The following TMEM14C variants were observed in gnomAD, a reference collection of about 807,000 sequenced individuals.
TMEM14C encodes transmembrane protein 14C, also known as chromosome 6 open reading frame 53.
TMEM14C carries 13 observed loss-of-function variants against 14.8 expected under a neutral mutation model. The observed-to-expected ratio is 0.88, with a 90% confidence interval of 0.57 to 1.40. The LOEUF is 1.40. TMEM14C is among the 40% of genes most tolerant of loss of function. The pLI is 0.00. For missense variants in TMEM14C, 142 were observed against 138.8 expected (o/e 1.02, Z -0.12); for synonymous variants, 57 against 51.3 (o/e 1.11, Z -0.48).
intron 3 of TMEM14C, among the ~76,000 whole-genome samples, chr6:10,725,573 T>G (rs1300233795): frequency 2.0e-5 from 3 of 152,170 alleles, no homozygotes; most frequent in Non-Finnish European, 4.4e-5. Context: ...AGGTCCTGCC[T>G]GTACACAATT....
At chr6:10,729,868 C>T (rs1021631214) in intron 5 of TMEM14C, among the ~76,000 whole-genome samples, 3 of 152,114 alleles carry the variant, frequency 2.0e-5, no homozygotes, top group Non-Finnish European at 2.9e-5. Context: ...GAGGCCAGAG[C>T]GGGCGGATCA....
Position 10,730,903 on chromosome 6 carries a change from T to G in TMEM14C, c.*237T>G. The G allele has an allele frequency of 8.7e-7, 1 of 1,154,188 alleles. No homozygotes were observed. The highest frequency in any genetic ancestry group is 1.1e-6 in the Non-Finnish European group (1 of 936,532). 71.5% of individuals were successfully genotyped at this position (1,154,188 alleles called of 1,614,324 possible). ...CTCATAGAGCTTGATTCTTGTATAT[T>G]GATGTTGTCTTTTCTTTCTGTATCT... On this transcript the variant is annotated 3_prime_UTR_variant, in exon 6 of 6. Transcript: ENST00000229563.
At chr6:10,726,040 C>T (rs1353377555) in intron 4 of TMEM14C, 32 bp downstream of exon 4, 1 of 1,612,076 alleles carries the variant, frequency 6.2e-7, no homozygotes, top group African/African-American at 1.3e-5. Context: ...CTTAGGGCAG[C>T]TATGTATCCA....
intron 5 of TMEM14C, among the ~76,000 whole-genome samples, chr6:10,730,261 A>G (rs1395434987): frequency 6.6e-6 from 1 of 152,190 alleles, no homozygotes; most frequent in Non-Finnish European, 1.5e-5. Context: ...TTATACCTGA[A>G]GCAAGGAAGT....
intron 5 of TMEM14C, 95 bp from the exon 6 acceptor site, chr6:10,730,506 TACCTCCTCCCCCAC>T: frequency 1.9e-6 from 2 of 1,075,254 alleles, no homozygotes; most frequent in Non-Finnish European, 2.7e-6. Context: ...CTTGCCTTAG[TACCTCCTCCCCCAC>T]GCAGTTGTGA....
rs1461621778 is a variant in TMEM14C, at chr6:10,728,688, C to A, written c.248C>A (p.Ser83Tyr). The change falls in exon 5 of 6, where the codon TCT (serine) becomes TAT (tyrosine). Residue 83 changes from serine to tyrosine, a missense_variant. Physicochemically the swap from Ser to Tyr is moderately radical, Grantham distance 144. Coordinates refer to ENST00000229563, the MANE Select transcript of TMEM14C (RefSeq NM_016462.4). ...ATTATGGGAATGAGGTTCTACCACTCTGGAAAATTCATGCCTGCAGGTTTA... is the reference window on the plus strand; with the variant it reads ...ATTATGGGAATGAGGTTCTACCACTATGGAAAATTCATGCCTGCAGGTTTA... ...AGIMGMRFYH[S>Y]GKFMPAGLIA... 1.2e-6 allele frequency: 2 copies of A among 1,614,112 alleles called. No individual in the cohort carries two copies. Among genetic ancestry groups the A allele is most frequent in the Non-Finnish European group, 8.5e-7 (1 of 1,180,056 alleles).
rs1053553769 is a variant in TMEM14C at position 10,728,572 on chromosome 6, C to T, written c.200-68C>T. 5 of 1,535,874 alleles carry T rather than the reference C, an allele frequency of 3.3e-6. No homozygotes were observed. The Admixed American group carries it at 6.8e-5, about 21-fold the overall frequency. On this transcript the variant is annotated intron_variant, in intron 4 of 5. Transcript: ENST00000229563. The stretch of plus-strand genomic sequence containing the variant: ...GCCTTGAGAGATGGGTGGGGCTTGG[C>T]CCACTTCTGATTCCCCTGCGTAGAA...
intron 5 of TMEM14C, among the ~76,000 whole-genome samples, chr6:10,729,539 G>A (rs1770968851): frequency 1.3e-5 from 2 of 152,288 alleles, no homozygotes; most frequent in South Asian, 2.1e-4. Context: ...CAATTTGGGA[G>A]GCAGAGGCAG....
At chr6:10,725,092 T>G in intron 3 of TMEM14C, 55 bp downstream of exon 3, 4 of 1,601,886 alleles carry the variant, frequency 2.5e-6, no homozygotes, top group Non-Finnish European at 3.4e-6. Context: ...CCCAGTGAAA[T>G]GTGAATGCCC....
chr6:10,723,671 C>G lies in TMEM14C; in HGVS notation c.-45+430C>G, dbSNP rs1447566667. ...CTTGAGTGCAGTTGCCTGAATATGT[C>G]TCATTGCAGCCTCTGCCTCCTGGGC... On this transcript the variant is annotated intron_variant, in intron 1 of 5. Transcript: ENST00000229563. Among the ~76,000 whole-genome samples, 7 of 140,558 alleles carry G rather than the reference C, an allele frequency of 5.0e-5. No individual in the cohort carries two copies. In the Admixed American group the frequency reaches 5.6e-4, roughly 11 times the overall value. The allele number at this position is 140,558 out of a possible 152,430, so 92.2% of individuals were successfully genotyped here.
At position 10,726,396 on chromosome 6, in the gene TMEM14C, T is replaced by C. The variant is rs533006635; in HGVS notation, c.199+388T>C. The stretch of plus-strand genomic sequence containing the variant: ...TTTCCCCATTTGAAAATCACCTCTT[T>C]AGCAGTTAGCTAAATGTGACTGCAG... On this transcript the variant is annotated intron_variant, in intron 4 of 5. Coordinates refer to ENST00000229563, the MANE Select transcript of TMEM14C (RefSeq NM_016462.4). Among the ~76,000 whole-genome samples, 19 of 152,310 alleles carry C rather than the reference T, an allele frequency of 1.2e-4. No homozygotes were observed. In the East Asian group the frequency reaches 3.7e-3, roughly 29 times the overall value.
At chr6:10,729,424 C>T (rs981936205) in intron 5 of TMEM14C, among the ~76,000 whole-genome samples, 10 of 152,236 alleles carry the variant, frequency 6.6e-5, no homozygotes, top group African/African-American at 2.4e-4. Context: ...TGACCCACTG[C>T]GGCTGGCCCT....
At chr6:10,728,542 C>T (rs535922643) in intron 4 of TMEM14C, 98 bp from the exon 5 acceptor site, 21 of 1,249,416 alleles carry the variant, frequency 1.7e-5, no homozygotes, top group Middle Eastern at 2.7e-4. Context: ...TAGGATGAGG[C>T]GTGAGCCTTG....
chr6:10,723,532 G>T (rs1357074359), intron 1 of TMEM14C, among the ~76,000 whole-genome samples: 1 of 149,900 alleles, frequency 6.7e-6, no homozygotes, highest in Non-Finnish European at 1.5e-5. Flanking sequence ...GCCGTCTCGA[G>T]TTAAGAACTG....
At chr6:10,729,204 T>C (rs1233231839) in intron 5 of TMEM14C, among the ~76,000 whole-genome samples, 2 of 152,208 alleles carry the variant, frequency 1.3e-5, no homozygotes, top group Non-Finnish European at 2.9e-5. Flanking sequence ...TGATCTCCGC[T>C]CACTGCAATC....
intron 5 of TMEM14C, chr6:10,728,962 C>A: frequency 1.1e-6 from 1 of 922,008 alleles, no homozygotes; most frequent in Non-Finnish European, 1.6e-6. Flanking sequence ...GCTTTCCAGT[C>A]CATCCAAACT....
At chr6:10,728,591 C>T (rs370556354) in intron 4 of TMEM14C, 49 bp from the exon 5 acceptor site, 9 of 1,588,250 alleles carry the variant, frequency 5.7e-6, no homozygotes, top group African/African-American at 1.3e-5. Flanking sequence ...GATTCCCCTG[C>T]GTAGAAGATG....
chr6:10,730,250 T>G (rs1770988273), intron 5 of TMEM14C, among the ~76,000 whole-genome samples: 2 of 152,222 alleles, frequency 1.3e-5, no homozygotes, highest in Non-Finnish European at 2.9e-5. Context: ...AGTATAATGT[T>G]TTATACCTGA....
intron 5 of TMEM14C, among the ~76,000 whole-genome samples, chr6:10,730,254 T>C (rs778094370): frequency 4.6e-5 from 7 of 152,240 alleles, no homozygotes; most frequent in Non-Finnish European, 1.0e-4. Flanking sequence ...TAATGTTTTA[T>C]ACCTGAAGCA....
Sources: allele counts gnomAD v4.1 joint callset (sites outside exome capture counted in the v4.1 genomes callset), GRCh38; gene constraint gnomAD v4.1.1; transcripts MANE v1.5; gene names NCBI Gene and HGNC (gene_info 2026-07-23, HGNC 2026-07-21).